SAC3D1: variants seen among roughly 807,000 people sequenced by gnomAD.
SAC3D1 encodes the protein SAC3 domain containing 1.
A neutral mutation model predicts 12.7 loss-of-function variants in SAC3D1; 10 were observed. The observed-to-expected ratio is 0.79, with a 90% CI of 0.49 to 1.34. The LOEUF (loss-of-function observed/expected upper bound fraction) is 1.34. Among genes scored for constraint, SAC3D1 ranks in the 40% most tolerant of loss-of-function variants. The pLI is 0.00. For synonymous variants in SAC3D1, 241 were observed against 250.8 expected (o/e 0.96, Z 0.37); for missense variants, 482 against 531.1 (o/e 0.91, Z 0.91).
chr11:65,041,155 T>G, upstream of SAC3D1: 2 of 859,652 alleles, frequency 2.3e-6, no homozygotes, highest in Non-Finnish European at 3.5e-6. Context: ...CCGGGGATCA[T>G]GGCGGGAAGG....
rs1285212394 is a variant in SAC3D1 at position 65,041,754 on chromosome 11, G to A, written c.462G>A (p.Leu154=). ...AARGPADPVL[L]QAQVQEGFGS... ...GGGGACCCGCGGACCCGGTGCTGCT[G>A]CAGGCCCAGGTGCAGGAGGGCTTCG... Residue 154 remains leucine (L), a synonymous_variant, in exon 1 of 2, where the codon CTG becomes CTA. Transcript: ENST00000652489. 1.5e-6 allele frequency: 2 copies of A among 1,336,294 alleles called. No homozygotes were observed. Among genetic ancestry groups the A allele is most frequent in the Non-Finnish European group, 1.9e-6 (2 of 1,050,630 alleles). 82.8% of individuals were successfully genotyped at this position (1,336,294 alleles called of 1,614,324 possible).
At chr11:65,043,846 G>A (rs1175430149) in intron 1 of SAC3D1, among the ~76,000 whole-genome samples, 1 of 152,090 alleles carries the variant, frequency 6.6e-6, no homozygotes, top group African/African-American at 2.4e-5. Flanking sequence ...CAAAACTGTG[G>A]GTACAGGGAA....
At chr11:65,043,091 A>G in intron 1 of SAC3D1, 1 of 446,624 alleles carries the variant, frequency 2.2e-6, no homozygotes, top group Non-Finnish European at 4.5e-6. Flanking sequence ...CCACCCTCCC[A>G]AGTAGCCGGG....
At position 65,044,240 on chromosome 11, in the gene SAC3D1, T is replaced by C; in HGVS notation, c.590T>C (p.Leu197Pro). 1.2e-6 allele frequency: 2 copies of C among 1,612,648 alleles called. No homozygotes were observed. The highest frequency in any genetic ancestry group is 1.7e-6 in the Non-Finnish European group (2 of 1,179,800). Reference sequence around the variant, plus strand: ...GCTCTCACAGGCTCGGTGGAAGCCCTGCATGAGGTTCTACAGCTGCCTGCT... The same window carrying C: ...GCTCTCACAGGCTCGGTGGAAGCCCCGCATGAGGTTCTACAGCTGCCTGCT... Reference protein sequence around the residue: ...LLYNLGSVEALHEVLQLPAAL... With the variant: ...LLYNLGSVEAPHEVLQLPAAL... The change falls in exon 2 of 2, where the codon CTG becomes CCG. Residue 197 changes from leucine to proline, a missense_variant. Transcript: ENST00000652489. The surrounding 1 kb of genome is among the most constrained non-coding windows in gnomAD (Gnocchi z 4.0).
upstream of SAC3D1, chr11:65,041,132 G>A (rs1238915508): frequency 1.4e-6 from 1 of 720,870 alleles, no homozygotes; most frequent in Admixed American, 3.1e-5. Flanking sequence ...TGGCTCGATG[G>A]GCGGCCCGAA....
chr11:65,041,893 A>G (rs754907759), intron 1 of SAC3D1, 27 bp downstream of exon 1: 1 of 1,408,266 alleles, frequency 7.1e-7, no homozygotes. Flanking sequence ...GCGGCTGGGC[A>G]GAGCGTGGGG....
upstream of SAC3D1, chr11:65,041,096 G>A (rs1328636857): frequency 3.2e-6 from 2 of 617,316 alleles, no homozygotes; most frequent in East Asian, 3.5e-5. Context: ...AGGCCAACTC[G>A]ACTGGACTGG....
chr11:65,041,085 G>C, upstream of SAC3D1: 2 of 603,492 alleles, frequency 3.3e-6, no homozygotes, highest in Non-Finnish European at 5.7e-6. Flanking sequence ...TGCATCTCGG[G>C]AGGCCAACTC....
At position 65,041,230 on chromosome 11, in the gene SAC3D1, G is replaced by T; in HGVS notation, c.-63G>T. ...CCCCACCCCCCGGCCGGCCTCGCGT[G>T]CCTTCCCGCAGCACTGCCGTCCCCG... On this transcript the variant is annotated 5_prime_UTR_variant, in exon 1 of 2. Coordinates refer to ENST00000652489, the MANE Select transcript of SAC3D1 (RefSeq NM_013299.4). 1 of 1,436,328 alleles carries T rather than the reference G, an allele frequency of 7.0e-7. No homozygotes were observed. The highest frequency in any genetic ancestry group is 9.1e-7 in the Non-Finnish European group (1 of 1,093,790). The allele number at this position is 1,436,328 out of a possible 1,614,324, so 89.0% of individuals were successfully genotyped here.
chr11:65,042,257 C>T (rs1266072946), intron 1 of SAC3D1, among the ~76,000 whole-genome samples: 1 of 151,994 alleles, frequency 6.6e-6, no homozygotes, highest in African/African-American at 2.4e-5. Context: ...GCCACCACAC[C>T]CAGCTAATTT....
intron 1 of SAC3D1, among the ~76,000 whole-genome samples, chr11:65,042,441 C>G (rs1946626735): frequency 6.6e-6 from 1 of 151,862 alleles, no homozygotes; most frequent in Non-Finnish European, 1.5e-5. Flanking sequence ...GGTTACCAAG[C>G]AAACAAGAAC....
Position 65,044,572 on chromosome 11 carries a change from G to A in SAC3D1, c.922G>A (p.Val308Met). 6.2e-7 allele frequency: 1 copy of A among 1,614,176 alleles called. No homozygotes were observed. The highest frequency in any genetic ancestry group is 8.5e-7 in the Non-Finnish European group (1 of 1,180,044). ...GCCCTTGGACGGAGAGGAGAGAGTT[G>A]TGTTCCTGAGGGGTCGCTACGTGGA... ...GLPLDGEERV[V>M]FLRGRYVEEG... Residue 308 changes from valine (V) to methionine (M), a missense_variant, in exon 2 of 2, where the codon GTG becomes ATG. Physicochemically the swap from Val to Met is conservative, Grantham distance 21. Around this residue, in one of 3 missense-constraint regions of SAC3D1, gnomAD observed 225 missense variants for 241.1 expected, o/e 0.93. Coordinates refer to ENST00000652489, the MANE Select transcript of SAC3D1 (RefSeq NM_013299.4). The surrounding 1 kb of genome is among the most constrained non-coding windows in gnomAD (Gnocchi z 4.0).
upstream of SAC3D1, chr11:65,040,942 T>G: frequency 2.9e-6 from 1 of 340,666 alleles, no homozygotes. Flanking sequence ...CACCGGTGTA[T>G]CATGGGAGCG....
At chr11:65,042,284 C>T (rs1230377519) in intron 1 of SAC3D1, among the ~76,000 whole-genome samples, 1 of 151,860 alleles carries the variant, frequency 6.6e-6, no homozygotes. Flanking sequence ...TTAGTAGAGA[C>T]GGGGGTTTCA....
rs1454888117 is a variant in SAC3D1 at position 65,044,369 on chromosome 11, A to T, written c.719A>T (p.Tyr240Phe). The stretch of plus-strand genomic sequence containing the variant: ...TTCCGTCTGCTCCAGACCCTGCCCT[A>T]CCTGCCAAGTTGCGCTGTGCAGTGC... Reference protein sequence around the residue: ...RLFRLLQTLPYLPSCAVQCHV... With the variant: ...RLFRLLQTLPFLPSCAVQCHV... The change falls in exon 2 of 2, where the codon TAC becomes TTC. Residue 240 changes from tyrosine (Y) to phenylalanine (F), a missense_variant. Tyr to Phe is a conservative substitution (Grantham distance 22). Around this residue, in one of 3 missense-constraint regions of SAC3D1, gnomAD observed 225 missense variants for 241.1 expected, o/e 0.93. Coordinates refer to ENST00000652489, the MANE Select transcript of SAC3D1 (RefSeq NM_013299.4). The surrounding 1 kb of genome is among the most constrained non-coding windows in gnomAD (Gnocchi z 4.0). The T allele has an allele frequency of 1.2e-6, 2 of 1,613,280 alleles. No homozygotes were observed. Among genetic ancestry groups the T allele is most frequent in the African/African-American group, 1.3e-5 (1 of 74,904 alleles).
Position 65,044,805 on chromosome 11 carries a change from T to C in SAC3D1, c.*78T>C. On this transcript the variant is annotated 3_prime_UTR_variant, in exon 2 of 2. Coordinates refer to ENST00000652489, the MANE Select transcript of SAC3D1 (RefSeq NM_013299.4). The surrounding 1 kb of genome is among the most constrained non-coding windows in gnomAD (Gnocchi z 4.0). ...TTCTTTTTCCATGGTTTCCAGGTAA[T>C]AAAAGGAACTTGTTTTGTTGGTACC... The C allele has an allele frequency of 2.7e-6, 4 of 1,463,964 alleles. No homozygotes were observed. In the East Asian group the frequency reaches 9.4e-5, roughly 34 times the overall value. The allele number at this position is 1,463,964 out of a possible 1,614,324, so 90.7% of individuals were successfully genotyped here. A position where few individuals can be genotyped will look rare whatever the true frequency, so the allele number is the denominator to read the frequency against.
chr11:65,041,563 G>A lies in SAC3D1; in HGVS notation c.271G>A (p.Asp91Asn). 6 of 1,478,332 alleles carry A rather than the reference G, an allele frequency of 4.1e-6. No homozygotes were observed. Among genetic ancestry groups the A allele is most frequent in the Non-Finnish European group, 4.5e-6 (5 of 1,120,174 alleles). 91.6% of individuals were successfully genotyped at this position (1,478,332 alleles called of 1,614,324 possible). A position where few individuals can be genotyped will look rare whatever the true frequency, so the allele number is the denominator to read the frequency against. ...YLAGEVAESA[D>N]IARAEVASFV... Reference sequence around the variant, plus strand: ...GGCCGGTGAGGTGGCGGAGAGCGCCGACATCGCCCGCGCCGAGGTGGCCAG... The same window carrying A: ...GGCCGGTGAGGTGGCGGAGAGCGCCAACATCGCCCGCGCCGAGGTGGCCAG... Residue 91 changes from aspartate (D) to asparagine (N), a missense_variant, in exon 1 of 2, where the codon GAC (aspartate) becomes AAC (asparagine). By Grantham distance (23) the Asp-to-Asn change is conservative. Around this residue, in one of 3 missense-constraint regions of SAC3D1, gnomAD observed 197 missense variants for 183.2 expected, o/e 1.08. Transcript: ENST00000652489.
chr11:65,043,198 G>A, intron 1 of SAC3D1: 1 of 314,412 alleles, frequency 3.2e-6, no homozygotes, highest in Non-Finnish European at 6.5e-6. Context: ...GGAAGAAATC[G>A]AAGCCCAGGG....
At position 65,044,111 on chromosome 11, in the gene SAC3D1, A is replaced by G. The variant is rs1946664250; in HGVS notation, c.575-114A>G. The G allele has an allele frequency of 2.4e-5, 31 of 1,265,770 alleles. No individual in the cohort carries two copies. The highest frequency in any genetic ancestry group is 3.3e-5 in the Non-Finnish European group (30 of 906,184). The allele number at this position is 1,265,770 out of a possible 1,614,324, so 78.4% of individuals were successfully genotyped here. On this transcript the variant is annotated intron_variant, in intron 1 of 1. Transcript: ENST00000652489. This position sits in a 1 kb window ranked among gnomAD's most constrained non-coding sequence, Gnocchi z 4.0. Reference sequence around the variant, plus strand: ...TTAGAGGGGAGAGGGAAGTTGGGCTAGGCCTAGAGAAGGGGCGTGGTCGAG... The same window carrying G: ...TTAGAGGGGAGAGGGAAGTTGGGCTGGGCCTAGAGAAGGGGCGTGGTCGAG...
Sources: gnomAD v4.1 joint callset for allele counts (sites outside exome capture counted in the v4.1 genomes callset) on GRCh38, gnomAD v4.1.1 for gene constraint, gnomAD v4.1.1 regional missense constraint, Gnocchi (gnomAD v3.1) non-coding constraint, MANE v1.5 for transcripts, NCBI Gene and HGNC (gene_info 2026-07-23, HGNC 2026-07-21) for gene names.